The following GALNT13 variants were observed in gnomAD, a reference collection of about 807,000 sequenced individuals.
GALNT13 encodes UDP-GalNAc:polypeptide N-acetylgalactosaminyltransferase 13.
A neutral mutation model predicts 64.2 loss-of-function variants in GALNT13; 28 were observed. The observed-to-expected ratio is 0.44, with a 90% confidence interval of 0.32 to 0.60. The LOEUF (loss-of-function observed/expected upper bound fraction) is 0.60. GALNT13 is among the 20% of genes least tolerant of loss of function. The probability of loss-of-function intolerance (pLI) is 0.05; values close to 1 mark genes in which losing one functional copy is unlikely to be tolerated. For missense variants in GALNT13, 577 were observed against 669.8 expected, an observed-to-expected ratio of 0.86 and a Z score of 1.53; for synonymous variants, 214 against 224.6, an observed-to-expected ratio of 0.95 and a Z score of 0.42.
At chr2:154,054,682 G>A (rs979190739) in intron 3 of GALNT13, among the ~76,000 whole-genome samples, 6 of 151,882 alleles carry the variant, frequency 4.0e-5, no homozygotes, top group Admixed American at 6.6e-5. Context: ...CAGACAGGAG[G>A]GAGGGTACTT....
At chr2:154,108,487 A>G (rs1357414710) in intron 3 of GALNT13, among the ~76,000 whole-genome samples, 3 of 151,924 alleles carry the variant, frequency 2.0e-5, no homozygotes, top group African/African-American at 7.2e-5. Flanking sequence ...TACATATTTT[A>G]GATATTAAAT....
rs553651123 is a variant in GALNT13, at chr2:153,975,973, A to G, written c.142+31334A>G. ...ATTTTTCTTTGTCATTTATACTTCA[A>G]TAAAGCTGGGGGAAAAAGAAAAATA... On this transcript the variant is annotated intron_variant, in intron 3 of 12. Transcript: ENST00000392825. 2.5e-4 allele frequency among the ~76,000 whole-genome samples: 38 copies of G among 152,232 alleles called. No homozygotes were observed. In the South Asian group the frequency reaches 7.5e-3, roughly 30 times the overall value.
chr2:153,214,736 A>G, the GALNT13 span, among the ~76,000 whole-genome samples: 3 of 152,172 alleles, frequency 2.0e-5, no homozygotes, highest in Non-Finnish European at 4.4e-5. Context: ...TAATTTAAGA[A>G]TAGGACTTAG....
chr2:153,975,471 C>A (rs1035329400), intron 3 of GALNT13, among the ~76,000 whole-genome samples: 1 of 152,092 alleles, frequency 6.6e-6, no homozygotes, highest in African/African-American at 2.4e-5. Context: ...GCCTTCTTTT[C>A]ATTTGCCCAA....
the GALNT13 span, among the ~76,000 whole-genome samples, chr2:153,379,299 T>C: frequency 2.6e-5 from 4 of 152,164 alleles, no homozygotes; most frequent in Admixed American, 1.3e-4. Context: ...AGCAAGTCTA[T>C]GACAGAGGTT....
At chr2:154,170,681 A>G (rs1427493681) in intron 4 of GALNT13, among the ~76,000 whole-genome samples, 1 of 152,188 alleles carries the variant, frequency 6.6e-6, no homozygotes, top group Non-Finnish European at 1.5e-5. Context: ...TAAGACTGTC[A>G]TGGGAATTAA....
chr2:153,244,212 T>C, the GALNT13 span, among the ~76,000 whole-genome samples: 1 of 152,146 alleles, frequency 6.6e-6, no homozygotes, highest in Admixed American at 6.5e-5. Flanking sequence ...TAAAGGTTTT[T>C]CTTTTCTATC....
At chr2:153,290,849 G>A in the GALNT13 span, among the ~76,000 whole-genome samples, 1 of 152,068 alleles carries the variant, frequency 6.6e-6, no homozygotes, top group Non-Finnish European at 1.5e-5. Flanking sequence ...TCTATTCAGT[G>A]TTGCCCATTT....
chr2:154,211,943 G>A (rs193040749), intron 4 of GALNT13, among the ~76,000 whole-genome samples: 23 of 152,212 alleles, frequency 1.5e-4, no homozygotes, highest in Admixed American at 1.2e-3. Context: ...TTCCCACAGA[G>A]AAAGGGTAGG....
the GALNT13 span, among the ~76,000 whole-genome samples, chr2:153,711,956 T>C: frequency 3.9e-5 from 6 of 152,200 alleles, no homozygotes; most frequent in Non-Finnish European, 1.5e-5. Context: ...ATCAAAGCAG[T>C]CTTTTTGAAA....
At chr2:153,383,228 T>C in the GALNT13 span, among the ~76,000 whole-genome samples, 1 of 152,002 alleles carries the variant, frequency 6.6e-6, no homozygotes, top group East Asian at 1.9e-4. Flanking sequence ...TACAATAAGA[T>C]AGAAGAAAAT....
chr2:153,433,321 A>G, the GALNT13 span, among the ~76,000 whole-genome samples: 2 of 152,150 alleles, frequency 1.3e-5, no homozygotes, highest in African/African-American at 4.8e-5. Context: ...TGGCAATGGG[A>G]TGATTTAAGG....
At chr2:153,797,770 C>T in the GALNT13 span, among the ~76,000 whole-genome samples, 1 of 152,154 alleles carries the variant, frequency 6.6e-6, no homozygotes, top group Admixed American at 6.6e-5. Context: ...AGTGCAGAAG[C>T]CTGCTGTTTG....
chr2:153,403,919 G>T, the GALNT13 span, among the ~76,000 whole-genome samples: 1 of 152,192 alleles, frequency 6.6e-6, no homozygotes, highest in Non-Finnish European at 1.5e-5. Context: ...GCTGTAGACC[G>T]GAGCTGTTCC....
At chr2:153,564,299 T>C in the GALNT13 span, among the ~76,000 whole-genome samples, 1 of 152,104 alleles carries the variant, frequency 6.6e-6, no homozygotes, top group African/African-American at 2.4e-5. Context: ...CACTCTCAAT[T>C]CTATCCTCTC....
At chr2:154,395,956 C>A in intron 9 of GALNT13, 35 bp from the exon 10 acceptor site, 1 of 1,554,030 alleles carries the variant, frequency 6.4e-7, no homozygotes, top group South Asian at 1.2e-5. Context: ...ACAAAAATAG[C>A]ACAAACTGAT....
At chr2:153,347,810 G>A in the GALNT13 span, among the ~76,000 whole-genome samples, 1 of 152,150 alleles carries the variant, frequency 6.6e-6, no homozygotes, top group African/African-American at 2.4e-5. Context: ...TGCTATTTCA[G>A]GGTTTTACTC....
intron 9 of GALNT13, among the ~76,000 whole-genome samples, chr2:154,311,663 G>A (rs1364529274): frequency 6.6e-6 from 1 of 152,118 alleles, no homozygotes; most frequent in African/African-American, 2.4e-5. Context: ...AAGTTTATTA[G>A]GCGGGAATTT....
In GALNT13 at chr2:154,137,601, A is replaced by G. The variant is rs190955321; in HGVS notation, c.143-2736A>G. ...CAAAACTATAACTTACATAATGTGA[A>G]AATAAAACTGTCATGCCTTTGAATA... On this transcript the variant is annotated intron_variant, in intron 3 of 12. Coordinates refer to ENST00000392825, the MANE Select transcript of GALNT13 (RefSeq NM_052917.4). 6.0e-4 allele frequency among the ~76,000 whole-genome samples: 92 copies of G among 152,300 alleles called. 2 individuals carry two copies. The East Asian group carries it at 0.015, about 25-fold the overall frequency.
Sources: gnomAD v4.1 joint callset for allele counts (sites outside exome capture counted in the v4.1 genomes callset) on GRCh38, gnomAD v4.1.1 for gene constraint, MANE v1.5 for transcripts, NCBI Gene and HGNC (gene_info 2026-07-23, HGNC 2026-07-21) for gene names.